BCL2L14: variants seen among roughly 807,000 people sequenced by gnomAD.
BCL2L14 encodes apoptosis facilitator Bcl-2-like protein 14.
In BCL2L14, 27 loss-of-function variants were observed where a neutral mutation model predicts 35.3. That is an observed-to-expected ratio of 0.76 (90% confidence interval 0.56 to 1.05). The LOEUF (loss-of-function observed/expected upper bound fraction) is 1.05. Among genes scored for constraint, BCL2L14 ranks in the 50% least tolerant of loss-of-function variants. BCL2L14 has a pLI of 0.00. For synonymous variants in BCL2L14, 139 were observed against 145.9 expected, an observed-to-expected ratio of 0.95 and a Z score of 0.34; for missense variants, 377 against 382.6, an observed-to-expected ratio of 0.99 and a Z score of 0.12.
chr12:12,085,651 G>A (rs985790665), intron 2 of BCL2L14, among the ~76,000 whole-genome samples: 1 of 152,214 alleles, frequency 6.6e-6, no homozygotes, highest in African/African-American at 2.4e-5. Context: ...ATCATGGACA[G>A]AGCAGTATCT....
rs1013661527 is a variant in BCL2L14, at chr12:12,093,106, C to T, written c.679-1558C>T. Among the ~76,000 whole-genome samples the T allele has an allele frequency of 5.3e-5, 8 of 152,002 alleles. 1 individual carries two copies. The highest frequency in any genetic ancestry group is 1.3e-4 in the Admixed American group (2 of 15,260). ...GGCAGCATTGATTTTGTTTTAAAGG[C>T]GTGGTAGTTCAAAGGAGGTAAAGCA... On this transcript the variant is annotated intron_variant, in intron 4 of 5. Coordinates refer to ENST00000308721, the MANE Select transcript of BCL2L14 (RefSeq NM_138723.2).
At chr12:12,053,416 T>A (rs1015995423) in intron 2 of BCL2L14, among the ~76,000 whole-genome samples, 12 of 66,566 alleles carry the variant, frequency 1.8e-4, no homozygotes, top group South Asian at 9.3e-4. Flanking sequence ...TATAACTTCT[T>A]CTTCTTCTTT....
intron 5 of BCL2L14, among the ~76,000 whole-genome samples, chr12:12,096,866 G>A (rs1369488040): frequency 8.5e-5 from 13 of 152,224 alleles, no homozygotes; most frequent in East Asian, 1.9e-4. Flanking sequence ...TCCAGGGGCC[G>A]GGCGCAGTGG....
At chr12:12,084,076 G>C (rs1948987030) in intron 2 of BCL2L14, among the ~76,000 whole-genome samples, 1 of 152,178 alleles carries the variant, frequency 6.6e-6, no homozygotes, top group Non-Finnish European at 1.5e-5. Context: ...AGCAAAGGAA[G>C]GGCAAAGGGT....
At chr12:12,054,279 G>A (rs1310061331) in intron 2 of BCL2L14, among the ~76,000 whole-genome samples, 4 of 152,130 alleles carry the variant, frequency 2.6e-5, no homozygotes, top group Non-Finnish European at 2.9e-5. Flanking sequence ...AAGGCAGGTG[G>A]ATCACCTGAA....
At chr12:12,053,347 GCAGGGCTGAACT>G (rs1395803883) in intron 2 of BCL2L14, among the ~76,000 whole-genome samples, 1 of 152,100 alleles carries the variant, frequency 6.6e-6, no homozygotes, top group Admixed American at 6.5e-5. Flanking sequence ...AAACACAAGG[GCAGGGCTGAACT>G]CAGCTCAGGG....
chr12:12,091,737 A>C (rs1949193753), intron 4 of BCL2L14, among the ~76,000 whole-genome samples: 1 of 152,304 alleles, frequency 6.6e-6, no homozygotes, highest in South Asian at 2.1e-4. Flanking sequence ...CAGGGATATT[A>C]GGTTAAAGAA....
intron 1 of BCL2L14, among the ~76,000 whole-genome samples, chr12:12,072,751 G>A (rs932919012): frequency 9.2e-5 from 14 of 152,298 alleles, no homozygotes; most frequent in Non-Finnish European, 1.6e-4. Flanking sequence ...GAAAGCAGAA[G>A]GGATCTAACC....
intron 1 of BCL2L14, among the ~76,000 whole-genome samples, chr12:12,076,306 C>A (rs1466637815): frequency 6.6e-6 from 1 of 152,012 alleles, no homozygotes; most frequent in African/African-American, 2.4e-5. Flanking sequence ...GAGACACTGA[C>A]GTGACTCCTT....
chr12:12,087,212 G>C lies in BCL2L14; in HGVS notation c.434-1G>C. ...CTCAGCACCATTTTGTCTTGTTTCAGCTGTGGACCCCAAAGTCATTTCCAT... is the reference window on the plus strand; with the variant it reads ...CTCAGCACCATTTTGTCTTGTTTCACCTGTGGACCCCAAAGTCATTTCCAT... On this transcript the variant is annotated splice_acceptor_variant, in intron 2 of 5. Transcript: ENST00000308721. LOFTEE classifies it high-confidence loss of function. The C allele has an allele frequency of 6.2e-7, 1 of 1,614,068 alleles. No individual in the cohort carries two copies. The highest frequency in any genetic ancestry group is 8.5e-7 in the Non-Finnish European group (1 of 1,179,958).
exon 2 of BCL2L14, chr12:12,051,844 G>A (rs948856592): frequency 1.3e-5 from 2 of 152,102 alleles, no homozygotes; most frequent in African/African-American, 4.8e-5. Flanking sequence ...CTAAAACAAA[G>A]ACCGTAAGTA....
chr12:12,088,698 G>T (rs141588427), intron 3 of BCL2L14, among the ~76,000 whole-genome samples: 1 of 152,098 alleles, frequency 6.6e-6, no homozygotes, highest in African/African-American at 2.4e-5. Flanking sequence ...CTCTAACAGT[G>T]AGGCCAAGGT....
rs780192041 is a variant in BCL2L14, at chr12:12,079,628, C to T, written c.323C>T (p.Thr108Met). ...GTGGAGAAGGAAGATTCGCAGAGCACGCCTGCCAAGGTCTCTGCTCAGGGT... is the reference window on the plus strand; with the variant it reads ...GTGGAGAAGGAAGATTCGCAGAGCATGCCTGCCAAGGTCTCTGCTCAGGGT... Reference protein sequence around the residue: ...GVVEKEDSQSTPAKVSAQGQR... With the variant: ...GVVEKEDSQSMPAKVSAQGQR... Residue 108 changes from threonine to methionine, a missense_variant, in exon 2 of 6, where the codon ACG becomes ATG. By Grantham distance (81) the Thr-to-Met change is moderately conservative. Coordinates refer to ENST00000308721, the MANE Select transcript of BCL2L14 (RefSeq NM_138723.2). 61 of 1,614,066 alleles carry T rather than the reference C, an allele frequency of 3.8e-5. No individual in the cohort carries two copies. Among genetic ancestry groups the T allele is most frequent in the Non-Finnish European group, 4.8e-5 (57 of 1,180,044 alleles).
chr12:12,069,482 G>A (rs1948633214), upstream of BCL2L14, among the ~76,000 whole-genome samples: 1 of 151,856 alleles, frequency 6.6e-6, no homozygotes. Flanking sequence ...GGCAGATCGG[G>A]AGGTCAGGAG....
At chr12:12,077,348 A>T (rs1948804026) in intron 1 of BCL2L14, among the ~76,000 whole-genome samples, 1 of 152,000 alleles carries the variant, frequency 6.6e-6, no homozygotes, top group South Asian at 2.1e-4. Flanking sequence ...TTCGCACCAG[A>T]CTGGGCAACA....
At chr12:12,059,826 A>G (rs1224833406) in intron 2 of BCL2L14, among the ~76,000 whole-genome samples, 2 of 152,190 alleles carry the variant, frequency 1.3e-5, no homozygotes, top group Non-Finnish European at 2.9e-5. Flanking sequence ...AGTTCCAAAT[A>G]GCCAGAAAAC....
chr12:12,087,556 C>A (rs1431904732), intron 3 of BCL2L14, among the ~76,000 whole-genome samples, 170 bp downstream of exon 3: 1 of 152,236 alleles, frequency 6.6e-6, no homozygotes, highest in Admixed American at 6.5e-5. Flanking sequence ...CAGCCCAAGG[C>A]AAGGGGGCTG....
intron 2 of BCL2L14, among the ~76,000 whole-genome samples, chr12:12,084,405 G>A (rs1948994564): frequency 6.6e-6 from 1 of 152,160 alleles, no homozygotes. Context: ...CTGTTACTAA[G>A]GAAGAAGAAG....
At chr12:12,081,491 C>T (rs117866293) in intron 2 of BCL2L14, among the ~76,000 whole-genome samples, 2 of 148,350 alleles carry the variant, frequency 1.3e-5, no homozygotes, top group Non-Finnish European at 3.0e-5. Flanking sequence ...GCCCTTCATG[C>T]GCACACCTTG....
Sources: allele counts gnomAD v4.1 joint callset (sites outside exome capture counted in the v4.1 genomes callset), GRCh38; gene constraint gnomAD v4.1.1; transcripts MANE v1.5; gene names NCBI Gene and HGNC (gene_info 2026-07-23, HGNC 2026-07-21).